The following PCDHA8 variants were observed in gnomAD, a reference collection of about 807,000 sequenced individuals.
PCDHA8 encodes protocadherin alpha-8.
In PCDHA8, 53 loss-of-function variants were observed where a neutral mutation model predicts 61.8. The ratio of observed to expected loss-of-function variants is 0.86; its 90% CI spans 0.69 to 1.08. The LOEUF (loss-of-function observed/expected upper bound fraction) is 1.08. Among genes scored for constraint, PCDHA8 ranks in the 50% least tolerant of loss-of-function variants. The pLI, the probability that PCDHA8 is intolerant of heterozygous loss-of-function variation, is 0.00. For synonymous variants in PCDHA8, 618 were observed against 556.6 expected (o/e 1.11, Z -1.55); for missense variants, 1,293 against 1,245.0 (o/e 1.04, Z -0.58).
At chr5:140,886,852 G>T (rs1554182787) in intron 1 of PCDHA8, among the ~76,000 whole-genome samples, 1 of 146,470 alleles carries the variant, frequency 6.8e-6, no homozygotes, top group Non-Finnish European at 1.5e-5. Flanking sequence ...AAAAAAGAAA[G>T]GTCTTCCCAA....
At chr5:140,884,400 T>C (rs2060147472) in intron 1 of PCDHA8, 1 of 1,613,972 alleles carries the variant, frequency 6.2e-7, no homozygotes, top group Non-Finnish European at 8.5e-7. Context: ...TCCAGCCTGT[T>C]GGTGCTCACG....
At chr5:140,850,816 C>T (rs2150499386) in intron 1 of PCDHA8, 3 of 1,598,298 alleles carry the variant, frequency 1.9e-6, no homozygotes, top group Admixed American at 1.7e-5. Flanking sequence ...GCCTTCAGCC[C>T]GGGCCTTTCT....
rs782568001 is a variant in PCDHA8, at chr5:140,876,674, A to G, written c.2394+32959A>G. The G allele has an allele frequency of 5.0e-6, 8 of 1,614,142 alleles. No homozygotes were observed. The South Asian group carries it at 7.7e-5, about 16-fold the overall frequency. On this transcript the variant is annotated intron_variant, in intron 1 of 3. Transcript: ENST00000531613. ...GTTCCCTTCAAGCTGGTGTCCACCTACAAGAATTACTACTCGTTGGTGCTG... is the reference window on the plus strand; with the variant it reads ...GTTCCCTTCAAGCTGGTGTCCACCTGCAAGAATTACTACTCGTTGGTGCTG...
chr5:140,997,668 TTG>T (rs35184029), intron 3 of PCDHA8, among the ~76,000 whole-genome samples: 38,693 of 147,760 alleles, frequency 0.26, 5,114 homozygotes, highest in Middle Eastern at 0.39. Flanking sequence ...ATTATACAGC[TTG>T]TGTGTGTGTG....
intron 1 of PCDHA8, among the ~76,000 whole-genome samples, chr5:140,911,559 C>T (rs2075532280): frequency 6.6e-6 from 1 of 152,168 alleles, no homozygotes; most frequent in Non-Finnish European, 1.5e-5. Flanking sequence ...CATTTTCTTT[C>T]ATCACTTTGT....
At chr5:140,983,408 A>G (rs1554245369) in intron 3 of PCDHA8, among the ~76,000 whole-genome samples, 1 of 152,208 alleles carries the variant, frequency 6.6e-6, no homozygotes, top group Non-Finnish European at 1.5e-5. Flanking sequence ...GGGAAGATTA[A>G]GTGTTGGTAG....
chr5:140,971,973 A>G (rs1554233757), intron 1 of PCDHA8, among the ~76,000 whole-genome samples: 1 of 152,218 alleles, frequency 6.6e-6, no homozygotes, highest in South Asian at 2.1e-4. Flanking sequence ...TTTCAATACT[A>G]TGAGTAGACA....
Position 140,968,579 on chromosome 5 carries a change from A to G in PCDHA8, c.2395-10370A>G, listed in dbSNP as rs1554230883. On this transcript the variant is annotated intron_variant, in intron 1 of 3. Coordinates refer to ENST00000531613, the MANE Select transcript of PCDHA8 (RefSeq NM_018911.3). ...AACTGCCCCTGCTGGCTACCTGGTCACCAAAGTCATAGCTATGGACTCAGA... is the reference window on the plus strand; with the variant it reads ...AACTGCCCCTGCTGGCTACCTGGTCGCCAAAGTCATAGCTATGGACTCAGA... 6 of 1,614,182 alleles carry G rather than the reference A, an allele frequency of 3.7e-6. No homozygotes were observed. The highest frequency in any genetic ancestry group is 5.1e-6 in the Non-Finnish European group (6 of 1,180,042).
intron 1 of PCDHA8, among the ~76,000 whole-genome samples, chr5:140,941,286 C>CTCTT (rs5871754): frequency 5.6e-5 from 6 of 106,818 alleles, no homozygotes; most frequent in African/African-American, 1.4e-4. Context: ...TCCTTCCTTT[C>CTCTT]TCTTTCTTTC....
chr5:140,884,113 G>A, intron 1 of PCDHA8: 2 of 1,613,388 alleles, frequency 1.2e-6, no homozygotes, highest in Non-Finnish European at 1.7e-6. Context: ...AGCTGGCGGC[G>A]GTCGGCGCGC....
At chr5:140,967,453 C>T in intron 1 of PCDHA8, 1 of 1,613,556 alleles carries the variant, frequency 6.2e-7, no homozygotes, top group South Asian at 1.1e-5. Context: ...TTCTCACAGC[C>T]GTGGATGGGG....
At chr5:140,878,585 C>T (rs2057657468) in intron 1 of PCDHA8, among the ~76,000 whole-genome samples, 1 of 152,152 alleles carries the variant, frequency 6.6e-6, no homozygotes, top group African/African-American at 2.4e-5. Flanking sequence ...CTGCCCTGTG[C>T]CTATTACCAA....
At chr5:140,952,009 G>A (rs780606946) in intron 1 of PCDHA8, among the ~76,000 whole-genome samples, 1 of 152,102 alleles carries the variant, frequency 6.6e-6, no homozygotes, top group African/African-American at 2.4e-5. Flanking sequence ...AGAATTATAG[G>A]CCCCATGCAA....
At chr5:140,898,864 A>C (rs1401711928) in intron 1 of PCDHA8, among the ~76,000 whole-genome samples, 3 of 149,656 alleles carry the variant, frequency 2.0e-5, no homozygotes, top group African/African-American at 7.5e-5. Flanking sequence ...CTTTTATTTC[A>C]TTGAGCAGTG....
chr5:140,915,281 C>T (rs1554196839), intron 1 of PCDHA8, among the ~76,000 whole-genome samples: 2 of 152,090 alleles, frequency 1.3e-5, no homozygotes, highest in Non-Finnish European at 2.9e-5. Flanking sequence ...TCATCATTTA[C>T]TCTTTCTACT....
intron 1 of PCDHA8, among the ~76,000 whole-genome samples, chr5:140,921,577 A>G (rs1248608945): frequency 6.6e-6 from 1 of 152,242 alleles, no homozygotes; most frequent in African/African-American, 2.4e-5. Context: ...AGTAGAGCTC[A>G]TACTATATTA....
chr5:140,985,619 G>C (rs961379624), intron 3 of PCDHA8, among the ~76,000 whole-genome samples: 2 of 152,064 alleles, frequency 1.3e-5, no homozygotes, highest in African/African-American at 2.4e-5. Context: ...TGAACCAGCT[G>C]TGTATTGCTC....
intron 3 of PCDHA8, among the ~76,000 whole-genome samples, chr5:140,994,729 A>G (rs1382639837): frequency 6.6e-6 from 1 of 152,180 alleles, no homozygotes; most frequent in Non-Finnish European, 1.5e-5. Flanking sequence ...AATACTGGGT[A>G]TTGCAGGATG....
chr5:140,876,653 C>T (rs781890773), intron 1 of PCDHA8: 8 of 1,614,082 alleles, frequency 5.0e-6, no homozygotes, highest in Non-Finnish European at 6.8e-6. Context: ...CCTCATGTTC[C>T]CTTCAAGCTG....
Sources: gnomAD v4.1 joint callset for allele counts (sites outside exome capture counted in the v4.1 genomes callset) on GRCh38, gnomAD v4.1.1 for gene constraint, MANE v1.5 for transcripts, NCBI Gene and HGNC (gene_info 2026-07-23, HGNC 2026-07-21) for gene names.